Variants in GPAT4 observed in about 807,000 individuals in gnomAD.
GPAT4 encodes the protein glycerol-3-phosphate acyltransferase 4, also known as 1-AGP acyltransferase 6.
Under a neutral mutation model 58.0 loss-of-function variants are expected in GPAT4, and 17 were observed. That is an observed-to-expected ratio of 0.29 (90% CI 0.20 to 0.44). GPAT4 has a LOEUF of 0.44. Among genes scored for constraint, GPAT4 ranks in the 20% least tolerant of loss-of-function variants. The pLI, the probability that GPAT4 is intolerant of heterozygous loss-of-function variation, is 1.00. For synonymous variants in GPAT4, 204 were observed against 210.1 expected, an observed-to-expected ratio of 0.97 and a Z score of 0.25; for missense variants, 377 against 574.5, an observed-to-expected ratio of 0.66 and a Z score of 3.51.
chr8:41,599,258 T>G lies in GPAT4; in HGVS notation c.119T>G (p.Phe40Cys). The change falls in exon 2 of 13, where the codon TTT becomes TGT. Residue 40 changes from phenylalanine to cysteine, a missense_variant. By Grantham distance (205) the Phe-to-Cys change is radical (BLOSUM62 -2). Coordinates refer to ENST00000396987, the MANE Select transcript of GPAT4 (RefSeq NM_178819.4). ...GTGCCAGCCATTTTTGGAGTCTCCT[T>G]TGGTATCCGCAAACTCTACATGAAA... The part of the protein sequence containing the change: ...IIVPAIFGVS[F>C]GIRKLYMKSL... 6.2e-7 allele frequency: 1 copy of G among 1,614,162 alleles called. No homozygotes were observed. Among genetic ancestry groups the G allele is most frequent in the Non-Finnish European group, 8.5e-7 (1 of 1,180,022 alleles).
intron 4 of GPAT4, chr8:41,610,298 G>A: frequency 8.2e-7 from 1 of 1,224,874 alleles, no homozygotes; most frequent in African/African-American, 1.5e-5. Flanking sequence ...GGGCAGTATT[G>A]ATCTTTCAGC....
At chr8:41,598,057 C>T (rs1802978873) in intron 1 of GPAT4, among the ~76,000 whole-genome samples, 1 of 152,112 alleles carries the variant, frequency 6.6e-6, no homozygotes, top group African/African-American at 2.4e-5. Context: ...AAAGTTTGAC[C>T]ACCGATCATA....
At chr8:41,578,665 C>T (rs932132192) in intron 1 of GPAT4, 1 of 152,310 alleles carries the variant, frequency 6.6e-6, no homozygotes, top group African/African-American at 2.4e-5. Flanking sequence ...AGCGCCTTCC[C>T]CTGTCATTCC....
At chr8:41,606,100 A>G (rs373045943) in intron 2 of GPAT4, among the ~76,000 whole-genome samples, 4 of 152,166 alleles carry the variant, frequency 2.6e-5, no homozygotes, top group African/African-American at 9.7e-5. Context: ...TGTGTGCTTT[A>G]TCATAAAGCT....
intron 1 of GPAT4, among the ~76,000 whole-genome samples, chr8:41,592,259 A>G (rs753277684): frequency 3.9e-5 from 6 of 152,152 alleles, no homozygotes; most frequent in Non-Finnish European, 7.3e-5. Context: ...CTCTATGCCC[A>G]CATATCCAGT....
In GPAT4 at chr8:41,621,057, G is replaced by T. The variant is rs1803734611; in HGVS notation, c.*56G>T. ...CGGGGTGCCAACGGGCTCAGAGCTG[G>T]AGTTGCCGCCGCCGCCCCCACTGCT... On this transcript the variant is annotated 3_prime_UTR_variant, in exon 13 of 13. Coordinates refer to ENST00000396987, the MANE Select transcript of GPAT4 (RefSeq NM_178819.4). The T allele has an allele frequency of 6.5e-7, 1 of 1,546,570 alleles. No homozygotes were observed. Among genetic ancestry groups the T allele is most frequent in the African/African-American group, 1.4e-5 (1 of 72,954 alleles).
chr8:41,614,297 G>C, intron 8 of GPAT4, 89 bp from the exon 9 acceptor site: 1 of 1,099,244 alleles, frequency 9.1e-7, no homozygotes, highest in Non-Finnish European at 1.3e-6. Context: ...ATCGAAACTA[G>C]TGTCACAAAT....
In GPAT4 at chr8:41,612,827, T is replaced by C; in HGVS notation, c.796-18T>C. On this transcript the variant is annotated intron_variant, in intron 7 of 12. Transcript: ENST00000396987. ...TGAAGATGGCTTCACTACTAATGAG[T>C]CCTGTGCCTGCGCTTAGGTGGGTCA... 6.2e-7 allele frequency: 1 copy of C among 1,610,128 alleles called. No homozygotes were observed. Among genetic ancestry groups the C allele is most frequent in the Non-Finnish European group, 8.5e-7 (1 of 1,176,910 alleles).
intron 1 of GPAT4, among the ~76,000 whole-genome samples, chr8:41,590,379 C>T (rs1463828307): frequency 5.3e-5 from 8 of 152,224 alleles, no homozygotes; most frequent in East Asian, 1.9e-4. Flanking sequence ...CCACTGTGCC[C>T]GGCCAGTGCT....
chr8:41,615,420 G>T (rs1031165428), intron 10 of GPAT4, among the ~76,000 whole-genome samples: 21 of 147,928 alleles, frequency 1.4e-4, no homozygotes, highest in African/African-American at 5.0e-4. Flanking sequence ...TTTTAAGCTG[G>T]ATTTTTGCAT....
chr8:41,612,640 C>T (rs1803477989), intron 7 of GPAT4: 2 of 566,766 alleles, frequency 3.5e-6, no homozygotes, highest in Non-Finnish European at 3.1e-6. Flanking sequence ...TTTTAATTAC[C>T]TATTTCTAGT....
rs1414502837 is a variant in GPAT4, at chr8:41,622,699, C to T, written c.*1698C>T. ...ACCTGCTGGGTTGGCCCTGCAATCTCCTTTTCTCTGCACCTACCTGTGACC... is the reference window on the plus strand; with the variant it reads ...ACCTGCTGGGTTGGCCCTGCAATCTTCTTTTCTCTGCACCTACCTGTGACC... On this transcript the variant is annotated 3_prime_UTR_variant, in exon 13 of 13. Transcript: ENST00000396987. The T allele has an allele frequency of 6.6e-6, 1 of 152,284 alleles. No individual in the cohort carries two copies. Among genetic ancestry groups the T allele is most frequent in the Non-Finnish European group, 1.5e-5 (1 of 68,074 alleles). The allele number at this position is 152,284 out of a possible 1,614,324, so 9.4% of individuals were successfully genotyped here.
At chr8:41,618,867 G>A in intron 11 of GPAT4, 31 bp from the exon 12 acceptor site, 3 of 1,614,244 alleles carry the variant, frequency 1.9e-6, no homozygotes, top group Non-Finnish European at 2.5e-6. Context: ...TCAAGCCGGG[G>A]CTGAGTGGTC....
At chr8:41,611,291 T>C (rs1429974599) in intron 5 of GPAT4, among the ~76,000 whole-genome samples, 4 of 152,314 alleles carry the variant, frequency 2.6e-5, no homozygotes, top group African/African-American at 9.6e-5. Flanking sequence ...TTTTAAATTT[T>C]GATCTATGAC....
intron 1 of GPAT4, among the ~76,000 whole-genome samples, chr8:41,595,151 G>T (rs1349195349): frequency 1.4e-5 from 2 of 144,088 alleles, no homozygotes; most frequent in Non-Finnish European, 1.5e-5. Flanking sequence ...CTTAGAATTG[G>T]TATAGTTTTT....
intron 1 of GPAT4, among the ~76,000 whole-genome samples, chr8:41,593,644 T>G (rs1802851369): frequency 1.3e-5 from 2 of 152,180 alleles, no homozygotes; most frequent in Admixed American, 6.5e-5. Context: ...GTCTCTGTGG[T>G]TAACAGCACA....
chr8:41,615,148 G>T (rs1585674988), intron 10 of GPAT4, 100 bp downstream of exon 10: 3 of 1,072,036 alleles, frequency 2.8e-6, no homozygotes, highest in East Asian at 5.1e-5. Context: ...ACCAGTCTGT[G>T]GTCGATGCCC....
chr8:41,598,957 T>TTTCTGTCA lies in GPAT4; in HGVS notation c.-176_-169dup. The TTTCTGTCA allele has an allele frequency of 1.3e-6, 1 of 762,268 alleles. No homozygotes were observed. Among genetic ancestry groups the TTTCTGTCA allele is most frequent in the Non-Finnish European group, 2.1e-6 (1 of 484,624 alleles). The allele number at this position is 762,268 out of a possible 1,614,324, so 47.2% of individuals were successfully genotyped here. A position where few individuals can be genotyped will look rare whatever the true frequency, so the allele number is the denominator to read the frequency against. On this transcript the variant is annotated 5_prime_UTR_variant, in exon 2 of 13. An upstream open reading frame in the 5' UTR loses its in-frame stop. Transcript: ENST00000396987. ...TGCAGTTGCCTCCTGTGGCCGTGTT[T>TTTCTGTCA]TTCTGTCATTCTGTTCCCAGGCCTT...
intron 1 of GPAT4, among the ~76,000 whole-genome samples, chr8:41,596,867 C>T (rs986106237): frequency 6.6e-6 from 1 of 152,182 alleles, no homozygotes; most frequent in African/African-American, 2.4e-5. Context: ...CTTCAAAAAC[C>T]GAGCTCCCCG....
Sources: gnomAD v4.1 joint callset for allele counts (sites outside exome capture counted in the v4.1 genomes callset) on GRCh38, gnomAD v4.1.1 for gene constraint, MANE v1.5 for transcripts, NCBI Gene and HGNC (gene_info 2026-07-23, HGNC 2026-07-21) for gene names.